The following ETV6 variants were observed in gnomAD, a reference collection of about 807,000 sequenced individuals.
ETV6 encodes ETS variant transcription factor 6, also known as transcription factor ETV6.
ETV6 carries 16 observed loss-of-function variants against 51.1 expected under a neutral mutation model. The observed-to-expected ratio is 0.31, with a 90% CI of 0.21 to 0.48. The LOEUF is 0.48. Among genes scored for constraint, ETV6 ranks in the 20% least tolerant of loss-of-function variants. ETV6 has a pLI of 0.99. For synonymous variants in ETV6, 240 were observed against 224.1 expected, an observed-to-expected ratio of 1.07 and a Z score of -0.64; for missense variants, 458 against 594.8, an observed-to-expected ratio of 0.77 and a Z score of 2.39.
chr12:11,704,390 AGGCTGGAATACAGT>A (rs1565492435), intron 1 of ETV6, among the ~76,000 whole-genome samples: 1 of 152,158 alleles, frequency 6.6e-6, no homozygotes, highest in Non-Finnish European at 1.5e-5. Flanking sequence ...TCTGTTGCCC[AGGCTGGAATACAGT>A]GGCGTGATCT....
intron 1 of ETV6, among the ~76,000 whole-genome samples, chr12:11,708,843 C>T (rs1865119308): frequency 6.6e-6 from 1 of 152,226 alleles, no homozygotes; most frequent in South Asian, 2.1e-4. Context: ...CAGACACTCA[C>T]TCAGACCCTG....
chr12:11,849,665 C>T (rs775112199), intron 3 of ETV6, among the ~76,000 whole-genome samples: 1 of 152,196 alleles, frequency 6.6e-6, no homozygotes, highest in African/African-American at 2.4e-5. Flanking sequence ...AGCAGAGAAA[C>T]TTTCTATCAA....
chr12:11,802,996 ACGT>A (rs1371368156), intron 2 of ETV6, among the ~76,000 whole-genome samples: 1 of 152,212 alleles, frequency 6.6e-6, no homozygotes, highest in Non-Finnish European at 1.5e-5. Flanking sequence ...CACATCAAGA[ACGT>A]CTTGTAAGTG....
intron 4 of ETV6, among the ~76,000 whole-genome samples, chr12:11,859,890 C>G (rs1336746125): frequency 3.3e-5 from 5 of 152,290 alleles, no homozygotes; most frequent in Non-Finnish European, 7.4e-5. Context: ...TTGTACTAAA[C>G]AATGTCAAAG....
rs1042726416 is a variant in ETV6 at position 11,881,418 on chromosome 12, C to T, written c.1010-3027C>T. On this transcript the variant is annotated intron_variant, in intron 5 of 7. Transcript: ENST00000396373. The stretch of plus-strand genomic sequence containing the variant: ...TTTTGGGGCTGCTCTGACAAACTGC[C>T]GTAGACTGGGTAGTTGGTACGCAAT... Among the ~76,000 whole-genome samples the T allele has an allele frequency of 7.2e-5, 11 of 152,158 alleles. No individual in the cohort carries two copies. The South Asian group carries it at 1.2e-3, about 17-fold the overall frequency.
intron 1 of ETV6, among the ~76,000 whole-genome samples, chr12:11,723,787 G>A (rs1410631183): frequency 2.0e-5 from 3 of 152,134 alleles, no homozygotes; most frequent in African/African-American, 2.4e-5. Flanking sequence ...AGACAAGGTG[G>A]CATCACCAAC....
chr12:11,844,875 A>T (rs1946438992), intron 3 of ETV6, among the ~76,000 whole-genome samples: 1 of 151,324 alleles, frequency 6.6e-6, no homozygotes, highest in Admixed American at 6.6e-5. Flanking sequence ...CTCTGTCGCC[A>T]GGCTGGAGTG....
intron 4 of ETV6, among the ~76,000 whole-genome samples, chr12:11,855,139 CAA>C (rs34202702): frequency 1.2e-3 from 170 of 138,006 alleles, no homozygotes; most frequent in Middle Eastern, 7.2e-3. Context: ...ACTAAAAATA[CAA>C]AAAAAAAAAA....
chr12:11,734,205 T>G lies in ETV6; in HGVS notation c.34-18245T>G, dbSNP rs573881529. Among the ~76,000 whole-genome samples the G allele has an allele frequency of 2.6e-5, 4 of 152,230 alleles. No individual in the cohort carries two copies. In the East Asian group the frequency reaches 7.7e-4, roughly 29 times the overall value. ...CTTGAAAGTGATATAAACTCCATAGTAGATAATAGTTGTACATGAACATCG... is the reference window on the plus strand; with the variant it reads ...CTTGAAAGTGATATAAACTCCATAGGAGATAATAGTTGTACATGAACATCG... On this transcript the variant is annotated intron_variant, in intron 1 of 7. Coordinates refer to ENST00000396373, the MANE Select transcript of ETV6 (RefSeq NM_001987.5).
At chr12:11,859,586 A>G (rs563012857) in intron 4 of ETV6, among the ~76,000 whole-genome samples, 2 of 152,304 alleles carry the variant, frequency 1.3e-5, no homozygotes, top group South Asian at 4.2e-4. Flanking sequence ...CCTCCACTTT[A>G]TAGATGAAGA....
intron 7 of ETV6, among the ~76,000 whole-genome samples, chr12:11,886,476 T>A (rs1591751022): frequency 6.9e-6 from 1 of 145,204 alleles, no homozygotes; most frequent in Admixed American, 6.9e-5. Flanking sequence ...TTTTTTTTTT[T>A]AATGAAATAA....
intron 1 of ETV6, among the ~76,000 whole-genome samples, chr12:11,704,381 C>G (rs1488404823): frequency 1.3e-5 from 2 of 152,164 alleles, no homozygotes; most frequent in Non-Finnish European, 2.9e-5. Context: ...GAGTCTCACT[C>G]TGTTGCCCAG....
intron 1 of ETV6, among the ~76,000 whole-genome samples, chr12:11,736,615 C>T (rs2121000306): frequency 6.6e-6 from 1 of 152,220 alleles, no homozygotes; most frequent in South Asian, 2.1e-4. Context: ...CGAGAGGGAA[C>T]AGACTTGATG....
intron 2 of ETV6, among the ~76,000 whole-genome samples, chr12:11,817,645 T>C (rs1469721164): frequency 6.6e-6 from 1 of 152,208 alleles, no homozygotes; most frequent in Non-Finnish European, 1.5e-5. Context: ...CATTGTTGCT[T>C]TTCAAAAAGT....
chr12:11,835,527 G>C (rs768871752), intron 2 of ETV6, among the ~76,000 whole-genome samples: 2 of 152,208 alleles, frequency 1.3e-5, no homozygotes, highest in Non-Finnish European at 2.9e-5. Context: ...AGACTCTCAA[G>C]ACCAAGCACC....
At chr12:11,726,000 A>C (rs1865481540) in intron 1 of ETV6, among the ~76,000 whole-genome samples, 1 of 152,190 alleles carries the variant, frequency 6.6e-6, no homozygotes, top group South Asian at 2.1e-4. Flanking sequence ...CATGACTAAG[A>C]CAGTTAACTT....
Position 11,752,449 on chromosome 12 carries a change from G to A in ETV6, c.34-1G>A, listed in dbSNP as rs751919603. The A allele has an allele frequency of 6.2e-7, 1 of 1,608,358 alleles. No homozygotes were observed. The highest frequency in any genetic ancestry group is 8.5e-7 in the Non-Finnish European group (1 of 1,176,178). ...CCTCTTCCTGCCCTTATTTTTAACAGCAGGAACGAATTTCATATACACCTC... is the reference window on the plus strand; with the variant it reads ...CCTCTTCCTGCCCTTATTTTTAACAACAGGAACGAATTTCATATACACCTC... On this transcript the variant is annotated splice_acceptor_variant, in intron 1 of 7. Transcript: ENST00000396373. LOFTEE classifies it high-confidence loss of function.
At chr12:11,720,212 C>T (rs1865356987) in intron 1 of ETV6, among the ~76,000 whole-genome samples, 1 of 152,148 alleles carries the variant, frequency 6.6e-6, no homozygotes, top group African/African-American at 2.4e-5. Flanking sequence ...CTTTAAGAGT[C>T]ACGAAGAGCC....
intron 2 of ETV6, among the ~76,000 whole-genome samples, chr12:11,799,439 G>T (rs557428999): frequency 6.6e-6 from 1 of 152,182 alleles, no homozygotes; most frequent in African/African-American, 2.4e-5. Flanking sequence ...CTCTTGATTA[G>T]CTTCTAGAAT....
Sources: allele counts gnomAD v4.1 joint callset (sites outside exome capture counted in the v4.1 genomes callset), GRCh38; gene constraint gnomAD v4.1.1; transcripts MANE v1.5; gene names NCBI Gene and HGNC (gene_info 2026-07-23, HGNC 2026-07-21).